LARP7: variants seen among roughly 807,000 people sequenced by gnomAD.
LARP7 encodes the protein La ribonucleoprotein 7, transcriptional regulator.
A neutral mutation model predicts 69.3 loss-of-function variants in LARP7; 52 were observed. That is an observed-to-expected ratio of 0.75 (90% CI 0.60 to 0.95). The LOEUF is 0.95. LARP7 is among the 40% of genes least tolerant of loss of function. The probability of loss-of-function intolerance (pLI) is 0.00; values close to 1 mark genes in which losing one functional copy is unlikely to be tolerated. For synonymous variants in LARP7, 254 were observed against 215.9 expected (o/e 1.18, Z -1.55); for missense variants, 733 against 673.0 (o/e 1.09, Z -0.99).
At chr4:112,653,592 C>T (rs1037368744) in intron 11 of LARP7, among the ~76,000 whole-genome samples, 3 of 152,180 alleles carry the variant, frequency 2.0e-5, no homozygotes, top group Non-Finnish European at 4.4e-5. Flanking sequence ...TGAAGTGATT[C>T]TCCTGCCTCA....
chr4:112,637,569 T>G (rs2047724148), intron 1 of LARP7: 1 of 152,284 alleles, frequency 6.6e-6, no homozygotes, highest in Non-Finnish European at 1.5e-5. Context: ...TTTCGCAGAT[T>G]GGAGCTGAGC....
Position 112,647,217 on chromosome 4 carries a change from A to C in LARP7, c.665A>C (p.Lys222Thr). 11 of 1,588,598 alleles carry C rather than the reference A, an allele frequency of 6.9e-6. No homozygotes were observed. The highest frequency in any genetic ancestry group is 9.4e-6 in the Non-Finnish European group (11 of 1,172,642). Residue 222 changes from lysine (K) to threonine (T), a missense_variant, in exon 7 of 13, where the codon AAG (lysine) becomes ACG (threonine). Lys to Thr is a moderately conservative substitution (Grantham distance 78). Transcript: ENST00000344442. ...TTTACAGAAGAGAAGAAAAAGAAAA[A>C]GAAGAAGAAAGGCCGAATGAAAAAG... Reference protein sequence around the residue: ...LRVVEEKKKKKKKKGRMKKED... With the variant: ...LRVVEEKKKKTKKKGRMKKED...
intron 1 of LARP7, among the ~76,000 whole-genome samples, chr4:112,641,272 C>T (rs2047950219): frequency 1.3e-5 from 2 of 151,968 alleles, no homozygotes; most frequent in South Asian, 4.1e-4. Context: ...TGCCTATAGT[C>T]CCAGCTACTT....
chr4:112,644,860 C>A lies in LARP7; in HGVS notation c.191C>A (p.Ser64Tyr), dbSNP rs758628046. Reference sequence around the variant, plus strand: ...TTTCTTCGAGAACAGATAGAAAAATCTAGAGATGGATGTAAGTTTGCTTCA... The same window carrying A: ...TTTCTTCGAGAACAGATAGAAAAATATAGAGATGGATGTAAGTTTGCTTCA... ...DRFLREQIEK[S>Y]RDGYVDISLL... The change falls in exon 2 of 13, where the codon TCT becomes TAT. Residue 64 changes from serine (S) to tyrosine (Y), a missense_variant. Transcript: ENST00000344442. 3 of 1,569,556 alleles carry A rather than the reference C, an allele frequency of 1.9e-6. No homozygotes were observed. Among genetic ancestry groups the A allele is most frequent in the East Asian group, 4.6e-5 (2 of 43,104 alleles).
chr4:112,647,117 A>ATTGTGGG lies in LARP7; in HGVS notation c.636_637insTTGTGGG (p.Arg213LeufsTer40). On this transcript the variant is annotated frameshift_variant, in exon 6 of 13. Coordinates refer to ENST00000344442, the MANE Select transcript of LARP7 (RefSeq NM_016648.4). LOFTEE classifies it high-confidence loss of function. The stretch of plus-strand genomic sequence containing the variant: ...TGAAAAATAAGCCCATTCCAGCCTT[A>ATTGTGGG]AGAGTTGTGGGTGAGTATTTTTCAA... 6.2e-7 allele frequency: 1 copy of ATTGTGGG among 1,607,848 alleles called. No individual in the cohort carries two copies. The highest frequency in any genetic ancestry group is 1.1e-5 in the South Asian group (1 of 88,768).
intron 8 of LARP7, 93 bp from the exon 9 acceptor site, chr4:112,649,442 T>G (rs2048597886): frequency 2.0e-6 from 2 of 1,024,602 alleles, no homozygotes; most frequent in Non-Finnish European, 2.8e-6. Flanking sequence ...GGTGGAGGAG[T>G]TGCTCCAAGT....
intron 8 of LARP7, among the ~76,000 whole-genome samples, chr4:112,649,047 CTGTT>C (rs546118081): frequency 5.9e-5 from 9 of 152,138 alleles, no homozygotes; most frequent in Admixed American, 5.2e-4. Flanking sequence ...TGGAGGAACT[CTGTT>C]TGAAGAAGCA....
intron 10 of LARP7, among the ~76,000 whole-genome samples, chr4:112,652,701 CTT>C (rs58242050): frequency 1.4e-4 from 19 of 139,594 alleles, no homozygotes; most frequent in African/African-American, 3.4e-4. Context: ...TCCCTTAATC[CTT>C]TTTTTTTTTT....
chr4:112,647,176 TA>T, intron 6 of LARP7, 22 bp from the exon 7 acceptor site: 1 of 1,591,540 alleles, frequency 6.3e-7, no homozygotes, highest in Non-Finnish European at 8.5e-7. Flanking sequence ...TAAGATGAAC[TA>T]ATAATGATGG....
rs900139242 is a variant in LARP7, at chr4:112,647,349, C to T, written c.797C>T (p.Thr266Ile). 1.9e-6 allele frequency: 3 copies of T among 1,613,910 alleles called. No homozygotes were observed. The highest frequency in any genetic ancestry group is 2.7e-5 in the African/African-American group (2 of 74,914). The change falls in exon 7 of 13, where the codon ACT becomes ATT. Residue 266 changes from threonine to isoleucine, a missense_variant. Thr to Ile is a moderately conservative substitution (Grantham distance 89). Coordinates refer to ENST00000344442, the MANE Select transcript of LARP7 (RefSeq NM_016648.4). ...PTSEGSDIES[T>I]EPQKQCSKKK... is the part of the protein sequence containing the mutation. ...TCTGAGGGCTCTGACATTGAGTCCA[C>T]TGAACCCCAAAAGCAGTGCTCAAAG...
chr4:112,645,581 C>G (rs980202383), intron 2 of LARP7: 3 of 456,024 alleles, frequency 6.6e-6, no homozygotes, highest in African/African-American at 6.0e-5. Context: ...TGTCTGCTCA[C>G]TCCAACTTCT....
chr4:112,647,510 A>ATCAT lies in LARP7; in HGVS notation c.960_963dup (p.Lys322HisfsTer2). The ATCAT allele has an allele frequency of 6.2e-7, 1 of 1,612,686 alleles. No individual in the cohort carries two copies. Among genetic ancestry groups the ATCAT allele is most frequent in the Non-Finnish European group, 8.5e-7 (1 of 1,179,436 alleles). On this transcript the variant is annotated frameshift_variant, in exon 7 of 13. Transcript: ENST00000344442. LOFTEE classifies it high-confidence loss of function. ...AGTAAAGAAAATTATTCAGAAAGAC[A>ATCAT]TCATTAAGGAAGCATCAGAAGCTTC... is the stretch of plus-strand genomic sequence containing the variant.
intron 12 of LARP7, among the ~76,000 whole-genome samples, chr4:112,655,145 C>T (rs1450808972): frequency 6.6e-6 from 1 of 152,128 alleles, no homozygotes; most frequent in Non-Finnish European, 1.5e-5. Flanking sequence ...GTGGGGAAGC[C>T]TCCTGTGCTT....
chr4:112,653,435 G>A (rs1406239624), intron 11 of LARP7, among the ~76,000 whole-genome samples, 199 bp downstream of exon 11: 1 of 151,870 alleles, frequency 6.6e-6, no homozygotes, highest in Non-Finnish European at 1.5e-5. Context: ...TCAGCCTCCA[G>A]AGTAGCTGGG....
intron 1 of LARP7, among the ~76,000 whole-genome samples, chr4:112,640,927 G>A (rs1336298827): frequency 6.6e-6 from 1 of 152,190 alleles, no homozygotes. Flanking sequence ...AGCAACAAGG[G>A]CAAAGGCCCT....
intron 8 of LARP7, chr4:112,648,789 G>C: frequency 4.1e-6 from 1 of 244,718 alleles, no homozygotes; most frequent in South Asian, 4.8e-5. Context: ...CATTACAAGG[G>C]CCTTTTGTTA....
chr4:112,649,715 T>G (rs1290572740), intron 9 of LARP7, 29 bp downstream of exon 9: 1 of 1,501,686 alleles, frequency 6.7e-7, no homozygotes, highest in African/African-American at 1.4e-5. Flanking sequence ...TTTGACAACA[T>G]TATAATGTAC....
chr4:112,645,762 T>C, intron 2 of LARP7: 1 of 361,948 alleles, frequency 2.8e-6, no homozygotes, highest in Non-Finnish European at 5.4e-6. Flanking sequence ...GCTCAAGAGA[T>C]TTACCTTCAC....
chr4:112,657,456 C>A lies in LARP7; in HGVS notation c.*129C>A. ...TAAAAGAAATATCTTTGTTCCTCAA[C>A]TTGTAAATAAGACTTTTTTCTAGAG... On this transcript the variant is annotated 3_prime_UTR_variant, in exon 13 of 13. Coordinates refer to ENST00000344442, the MANE Select transcript of LARP7 (RefSeq NM_016648.4). 1 of 426,202 alleles carries A rather than the reference C, an allele frequency of 2.3e-6. No individual in the cohort carries two copies. The highest frequency in any genetic ancestry group is 1.2e-4 in the South Asian group (1 of 8,304). 26.4% of individuals were successfully genotyped at this position (426,202 alleles called of 1,614,324 possible).
Sources: allele counts gnomAD v4.1 joint callset (sites outside exome capture counted in the v4.1 genomes callset), GRCh38; gene constraint gnomAD v4.1.1; transcripts MANE v1.5; gene names NCBI Gene and HGNC (gene_info 2026-07-23, HGNC 2026-07-21).